The following FBP2 variants were observed in gnomAD, a reference collection of about 807,000 sequenced individuals.
FBP2 encodes fructose-1,6-bisphosphatase isozyme 2.
FBP2 carries 27 observed loss-of-function variants against 31.6 expected under a neutral mutation model. The ratio of observed to expected loss-of-function variants is 0.85; its 90% CI spans 0.63 to 1.18. The LOEUF (loss-of-function observed/expected upper bound fraction) is 1.18, where lower values mean the gene tolerates loss of function less well. Among genes scored for constraint, FBP2 ranks in the 50% most tolerant of loss-of-function variants. The pLI is 0.00. For synonymous variants in FBP2, 168 were observed against 179.8 expected, an observed-to-expected ratio of 0.93 and a Z score of 0.53; for missense variants, 421 against 436.1, an observed-to-expected ratio of 0.97 and a Z score of 0.31.
chr9:94,567,184 T>C, intron 5 of FBP2, 86 bp downstream of exon 5: 1 of 1,419,168 alleles, frequency 7.0e-7, no homozygotes. Context: ...CCAACCTCTT[T>C]CAGCAAAGCC....
chr9:94,587,482 A>T lies in FBP2; in HGVS notation c.171-13T>A. The T allele has an allele frequency of 4.3e-6, 7 of 1,613,666 alleles. No individual in the cohort carries two copies. Among genetic ancestry groups the T allele is most frequent in the Non-Finnish European group, 5.9e-6 (7 of 1,179,814 alleles). On this transcript the variant is annotated splice_polypyrimidine_tract_variant and intron_variant, in intron 1 of 6. Transcript: ENST00000375337. ...TGCGATTCCATACCTGAGAAGACAA[A>T]AGGCTGAATGAGGAAGTCACTAGGG...
At chr9:94,572,260 C>A (rs944856576) in intron 3 of FBP2, among the ~76,000 whole-genome samples, 1 of 152,056 alleles carries the variant, frequency 6.6e-6, no homozygotes, top group East Asian at 1.9e-4. Context: ...TCTTCCTCAC[C>A]CCCTTATCCA....
intron 3 of FBP2, among the ~76,000 whole-genome samples, chr9:94,582,324 A>G (rs1314021410): frequency 6.6e-6 from 1 of 150,980 alleles, no homozygotes; most frequent in Non-Finnish European, 1.5e-5. Flanking sequence ...AGCTCCTCCT[A>G]TAATCTGTTA....
At chr9:94,575,630 G>A (rs1230779624) in intron 3 of FBP2, among the ~76,000 whole-genome samples, 1 of 152,186 alleles carries the variant, frequency 6.6e-6, no homozygotes, top group Non-Finnish European at 1.5e-5. Flanking sequence ...GGTCCCAGGA[G>A]TGAAATTGCT....
intron 1 of FBP2, among the ~76,000 whole-genome samples, chr9:94,588,229 G>A (rs1383243732): frequency 6.6e-6 from 1 of 152,188 alleles, no homozygotes; most frequent in African/African-American, 2.4e-5. Context: ...CCCTGTGGTA[G>A]CTTGGTGTTA....
chr9:94,559,741 G>A (rs1827066318), intron 6 of FBP2, among the ~76,000 whole-genome samples: 1 of 151,992 alleles, frequency 6.6e-6, no homozygotes, highest in Admixed American at 6.6e-5. Flanking sequence ...TTCCCCTCTG[G>A]TACCACTCAT....
intron 1 of FBP2, 21 bp downstream of exon 1, chr9:94,593,536 T>C (rs1411942959): frequency 1.2e-6 from 2 of 1,606,848 alleles, no homozygotes; most frequent in South Asian, 1.1e-5. Context: ...CTGTGCCCCA[T>C]GCCTGCTCCC....
intron 5 of FBP2, among the ~76,000 whole-genome samples, chr9:94,564,018 A>C (rs988242894): frequency 2.6e-5 from 4 of 152,170 alleles, no homozygotes; most frequent in African/African-American, 4.8e-5. Flanking sequence ...AAAGAGACTT[A>C]GACACCCCCC....
At position 94,558,860 on chromosome 9, in the gene FBP2, C is replaced by A. The variant is rs1827048536; in HGVS notation, c.*78G>T. 1.5e-6 allele frequency: 2 copies of A among 1,331,242 alleles called. No homozygotes were observed. Among genetic ancestry groups the A allele is most frequent in the Admixed American group, 3.6e-5 (2 of 56,066 alleles). The allele number at this position is 1,331,242 out of a possible 1,614,324, so 82.5% of individuals were successfully genotyped here. On this transcript the variant is annotated 3_prime_UTR_variant, in exon 7 of 7. Transcript: ENST00000375337. ...TTACCTTTTGTATACTCATAGCTAC[C>A]ATCTCTGTTTATCGTTCATTTAGGG...
At chr9:94,590,527 C>T (rs1425088918) in intron 1 of FBP2, among the ~76,000 whole-genome samples, 2 of 152,242 alleles carry the variant, frequency 1.3e-5, no homozygotes, top group East Asian at 1.9e-4. Context: ...CGGACCCTCG[C>T]GGTGAGTGTT....
At chr9:94,573,436 T>C (rs1184606680) in intron 3 of FBP2, among the ~76,000 whole-genome samples, 1 of 152,196 alleles carries the variant, frequency 6.6e-6, no homozygotes, top group African/African-American at 2.4e-5. Flanking sequence ...AGCTAATGTC[T>C]TTTTTGAGAT....
chr9:94,585,325 G>A lies in FBP2; in HGVS notation c.334-656C>T, dbSNP rs1383764848. Among the ~76,000 whole-genome samples the A allele has an allele frequency of 2.0e-5, 3 of 152,176 alleles. No individual in the cohort carries two copies. In the East Asian group the frequency reaches 5.8e-4, roughly 29 times the overall value. ...GCATGCATGCATTCAGCAGATACATGTTGAGCTTCCAGCATATGCTGGGAA... is the reference window on the plus strand; with the variant it reads ...GCATGCATGCATTCAGCAGATACATATTGAGCTTCCAGCATATGCTGGGAA... On this transcript the variant is annotated intron_variant, in intron 2 of 6. Coordinates refer to ENST00000375337, the MANE Select transcript of FBP2 (RefSeq NM_003837.4).
At chr9:94,575,368 A>G (rs1457631777) in intron 3 of FBP2, among the ~76,000 whole-genome samples, 1 of 152,054 alleles carries the variant, frequency 6.6e-6, no homozygotes, top group Non-Finnish European at 1.5e-5. Context: ...AACATCATCT[A>G]AATGAAATGA....
intron 3 of FBP2, among the ~76,000 whole-genome samples, chr9:94,583,122 T>C (rs1269997302): frequency 2.6e-5 from 4 of 151,828 alleles, no homozygotes; most frequent in Non-Finnish European, 4.4e-5. Context: ...CCCAAAATGC[T>C]GGGATTACAG....
intron 5 of FBP2, among the ~76,000 whole-genome samples, chr9:94,565,425 C>T (rs1827172047): frequency 1.3e-5 from 2 of 149,234 alleles, no homozygotes; most frequent in Admixed American, 6.7e-5. Context: ...GAGTATCTTA[C>T]ACATGAATTT....
intron 5 of FBP2, among the ~76,000 whole-genome samples, chr9:94,566,422 C>T (rs1827190732): frequency 6.6e-6 from 1 of 152,268 alleles, no homozygotes; most frequent in African/African-American, 2.4e-5. Flanking sequence ...AGGACATGCT[C>T]CTGCTGCAGT....
intron 6 of FBP2, among the ~76,000 whole-genome samples, chr9:94,560,430 C>A (rs10761336): frequency 0.52 from 79,581 of 151,928 alleles, 21,877 homozygotes; most frequent in Admixed American, 0.63. Flanking sequence ...ACAACACACA[C>A]CCCCATCACC....
chr9:94,560,708 GT>G (rs1035926956), intron 6 of FBP2, among the ~76,000 whole-genome samples: 1 of 146,918 alleles, frequency 6.8e-6, no homozygotes, highest in African/African-American at 2.5e-5. Flanking sequence ...ATATTTATAT[GT>G]TATTATATAT....
In FBP2 at chr9:94,559,141, G is replaced by A. The variant is rs1409573435; in HGVS notation, c.826-9C>T. 1.2e-6 allele frequency: 2 copies of A among 1,605,828 alleles called. No homozygotes were observed. The highest frequency in any genetic ancestry group is 1.7e-6 in the Non-Finnish European group (2 of 1,174,872). On this transcript the variant is annotated splice_polypyrimidine_tract_variant and intron_variant, in intron 6 of 6. Transcript: ENST00000375337. The stretch of plus-strand genomic sequence containing the variant: ...TCATACAGGAGCCGGAGCTGTGGAG[G>A]AACAGAGGCAGGTGAGTAAACTCTG...
Sources: gnomAD v4.1 joint callset for allele counts (sites outside exome capture counted in the v4.1 genomes callset) on GRCh38, gnomAD v4.1.1 for gene constraint, MANE v1.5 for transcripts, NCBI Gene and HGNC (gene_info 2026-07-23, HGNC 2026-07-21) for gene names.